FBRSL1: variants seen among roughly 807,000 people sequenced by gnomAD.
The protein encoded by FBRSL1 is fibrosin like 1.
Under a neutral mutation model 89.6 loss-of-function variants are expected in FBRSL1, and 51 were observed. The observed-to-expected ratio is 0.57, with a 90% CI of 0.45 to 0.72. The LOEUF (loss-of-function observed/expected upper bound fraction) is 0.72. Ranked by LOEUF, FBRSL1 falls within the 30% of genes least tolerant of loss-of-function variation. FBRSL1 has a pLI of 0.00. For missense variants in FBRSL1, 1,618 were observed against 1,451.8 expected (o/e 1.11, Z -1.86); for synonymous variants, 779 against 681.1 (o/e 1.14, Z -2.24).
chr12:132,569,217 G>T (rs532124010), intron 6 of FBRSL1, among the ~76,000 whole-genome samples: 15 of 125,156 alleles, frequency 1.2e-4, no homozygotes, highest in South Asian at 5.2e-4. Context: ...GTGCGGGGGT[G>T]GGGGGGGCAG....
intron 9 of FBRSL1, 63 bp downstream of exon 9, chr12:132,571,294 T>C (rs1367760700): frequency 2.0e-6 from 3 of 1,517,876 alleles, no homozygotes; most frequent in Non-Finnish European, 2.7e-6. Context: ...CTCTCTCTCT[T>C]TTTCTCTTGT....
At chr12:132,574,608 C>T (rs1464958697) in intron 14 of FBRSL1, 44 bp downstream of exon 14, 3 of 1,534,828 alleles carry the variant, frequency 2.0e-6, no homozygotes, top group South Asian at 1.2e-5. Context: ...GAACCCGACT[C>T]CAGCCTGGTC....
At chr12:132,494,654 A>C (rs766813468) in intron 1 of FBRSL1, among the ~76,000 whole-genome samples, 4 of 152,162 alleles carry the variant, frequency 2.6e-5, no homozygotes, top group Non-Finnish European at 5.9e-5. Context: ...TTTTTGGTTA[A>C]TTTGCATTTT....
At chr12:132,567,091 G>A (rs751893068) in intron 5 of FBRSL1, among the ~76,000 whole-genome samples, 21 of 152,216 alleles carry the variant, frequency 1.4e-4, no homozygotes, top group Non-Finnish European at 2.4e-4. Flanking sequence ...CTGGCCTGAT[G>A]GGTGGGGGCC....
Position 132,572,048 on chromosome 12 carries a change from G to A in FBRSL1, c.1378-240G>A, listed in dbSNP as rs117837477. On this transcript the variant is annotated intron_variant, in intron 9 of 18. Coordinates refer to ENST00000680143, the MANE Select transcript of FBRSL1 (RefSeq NM_001367871.1). ...CCAGGCACACAGACTGCCTGGGGGG[G>A]CCGAGTTCCCACCCCATGCAAGGGG... The A allele has an allele frequency of 3.8e-3, 2,165 of 566,308 alleles. 93 individuals are homozygous for A. In the East Asian group the frequency reaches 0.063, roughly 16 times the overall value. The allele number at this position is 566,308 out of a possible 1,614,324, so 35.1% of individuals were successfully genotyped here.
chr12:132,517,917 T>C lies in FBRSL1; in HGVS notation c.490-7817T>C, dbSNP rs531702553. Among the ~76,000 whole-genome samples, 83 of 152,218 alleles carry C rather than the reference T, an allele frequency of 5.5e-4. 2 individuals carry two copies. In the South Asian group the frequency reaches 0.017, roughly 30 times the overall value. On this transcript the variant is annotated intron_variant, in intron 2 of 18. Coordinates refer to ENST00000680143, the MANE Select transcript of FBRSL1 (RefSeq NM_001367871.1). ...TGGCTTGAATTAGGTCATTCTTCTG[T>C]TGGACAGGGCGCCAACTGAGCAAGA...
intron 2 of FBRSL1, among the ~76,000 whole-genome samples, chr12:132,525,177 A>G (rs1272060961): frequency 1.3e-5 from 2 of 152,252 alleles, no homozygotes; most frequent in Non-Finnish European, 2.9e-5. Context: ...AGGGTCAGGC[A>G]GGTCCCACCA....
intron 5 of FBRSL1, among the ~76,000 whole-genome samples, chr12:132,561,936 C>G (rs1044671844): frequency 2.6e-5 from 4 of 152,194 alleles, no homozygotes; most frequent in African/African-American, 9.7e-5. Context: ...CAAGGGAGCA[C>G]TTGGTGCTGG....
chr12:132,570,580 G>GC, intron 8 of FBRSL1, 40 bp downstream of exon 8: 6 of 1,393,866 alleles, frequency 4.3e-6, no homozygotes, highest in Non-Finnish European at 5.6e-6. Flanking sequence ...GGCAGGGGTT[G>GC]GGGGGTGCGG....
intron 5 of FBRSL1, among the ~76,000 whole-genome samples, chr12:132,550,116 G>T (rs1054042636): frequency 6.6e-6 from 1 of 151,944 alleles, no homozygotes; most frequent in Non-Finnish European, 1.5e-5. Flanking sequence ...AGAGGGTCCC[G>T]GCAGGGCGAG....
At chr12:132,528,081 T>C (rs2035950406) in intron 4 of FBRSL1, 93 bp downstream of exon 4, 6 of 1,165,068 alleles carry the variant, frequency 5.1e-6, no homozygotes, top group Non-Finnish European at 7.5e-6. Context: ...ACAACTTAGC[T>C]CACCCCAGTC....
chr12:132,539,321 G>A (rs1289247085), intron 4 of FBRSL1, among the ~76,000 whole-genome samples: 1 of 150,686 alleles, frequency 6.6e-6, no homozygotes, highest in African/African-American at 2.4e-5. Context: ...CCAGCCCGAT[G>A]CCCACCCAGT....
chr12:132,530,708 C>G (rs1281174179), intron 4 of FBRSL1, among the ~76,000 whole-genome samples: 1 of 35,376 alleles, frequency 2.8e-5, no homozygotes, highest in African/African-American at 1.2e-4. Flanking sequence ...TGACAGATGG[C>G]GGGGTGGGGG....
At chr12:132,520,071 G>A (rs115338238) in intron 2 of FBRSL1, among the ~76,000 whole-genome samples, 11,726 of 150,244 alleles carry the variant, frequency 0.078, 604 homozygotes, top group African/African-American at 0.14. Context: ...CACTCCTCCA[G>A]CACCCCCTCC....
intron 4 of FBRSL1, among the ~76,000 whole-genome samples, chr12:132,528,851 C>T (rs920849119): frequency 1.3e-4 from 20 of 152,240 alleles, no homozygotes; most frequent in Admixed American, 9.2e-4. Flanking sequence ...CATGCCTCCC[C>T]GTGGGTGCAC....
chr12:132,495,254 A>G (rs2031809006), intron 1 of FBRSL1, among the ~76,000 whole-genome samples: 1 of 152,234 alleles, frequency 6.6e-6, no homozygotes, highest in African/African-American at 2.4e-5. Context: ...TCCAGGAGCA[A>G]GAGCCCAGGC....
chr12:132,576,181 A>G lies in FBRSL1; in HGVS notation c.1702-618A>G, dbSNP rs192390021. Among the ~76,000 whole-genome samples, 540 of 138,438 alleles carry G rather than the reference A, an allele frequency of 3.9e-3. 7 individuals are homozygous for G. The highest frequency in any genetic ancestry group is 0.014 in the African/African-American group (504 of 36,144). 90.8% of individuals were successfully genotyped at this position (138,438 alleles called of 152,430 possible). On this transcript the variant is annotated intron_variant, in intron 14 of 18. Transcript: ENST00000680143. ...TTTGGAACAACTTGGGCACGTGAGC[A>G]TGCTTTTTCAGTTTCTTTTTTTTTT...
intron 1 of FBRSL1, among the ~76,000 whole-genome samples, chr12:132,506,449 G>A (rs770133273): frequency 1.1e-4 from 16 of 152,214 alleles, no homozygotes; most frequent in Non-Finnish European, 2.1e-4. Flanking sequence ...CCTCAGATCT[G>A]CCCTCTGCCT....
chr12:132,514,068 T>C (rs996073643), intron 2 of FBRSL1, among the ~76,000 whole-genome samples: 1 of 152,202 alleles, frequency 6.6e-6, no homozygotes, highest in African/African-American at 2.4e-5. Context: ...GCCTTCCCCG[T>C]TTGCTCATTC....
Sources: gnomAD v4.1 joint callset for allele counts (sites outside exome capture counted in the v4.1 genomes callset) on GRCh38, gnomAD v4.1.1 for gene constraint, MANE v1.5 for transcripts, NCBI Gene and HGNC (gene_info 2026-07-23, HGNC 2026-07-21) for gene names.